PEX14: variants seen among roughly 807,000 people sequenced by gnomAD.
PEX14 encodes peroxisomal membrane protein PEX14.
In PEX14, 15 loss-of-function variants were observed where a neutral mutation model predicts 49.5. That is an observed-to-expected ratio of 0.30 (90% CI 0.20 to 0.47). The LOEUF is 0.47. Ranked by LOEUF, PEX14 falls within the 20% of genes least tolerant of loss-of-function variation. PEX14 has a pLI of 1.00. For synonymous variants in PEX14, 210 were observed against 212.7 expected, an observed-to-expected ratio of 0.99 and a Z score of 0.11; for missense variants, 398 against 494.8, an observed-to-expected ratio of 0.80 and a Z score of 1.86.
intron 3 of PEX14, among the ~76,000 whole-genome samples, chr1:10,577,591 T>A (rs1488436239): frequency 1.0e-3 from 32 of 30,894 alleles, no homozygotes; most frequent in African/African-American, 3.4e-3. Context: ...TTTTTTTTTT[T>A]TTTTTTTTTT....
chr1:10,583,287 A>G (rs1488268249), intron 3 of PEX14, among the ~76,000 whole-genome samples: 1 of 149,774 alleles, frequency 6.7e-6, no homozygotes, highest in Non-Finnish European at 1.5e-5. Context: ...TGGTGCAGTC[A>G]TGGCTCACTG....
At chr1:10,583,241 A>G (rs1640378286) in intron 3 of PEX14, among the ~76,000 whole-genome samples, 1 of 144,808 alleles carries the variant, frequency 6.9e-6, no homozygotes, top group Non-Finnish European at 1.5e-5. Flanking sequence ...TTTTTTTGAG[A>G]TAGAGTCTTG....
At chr1:10,520,973 G>A (rs1205083575) in intron 2 of PEX14, among the ~76,000 whole-genome samples, 3 of 87,904 alleles carry the variant, frequency 3.4e-5, no homozygotes, top group East Asian at 3.2e-4. Context: ...GCTCTTTGCC[G>A]TTGTCTTTTT....
intron 7 of PEX14, 147 bp downstream of exon 7, chr1:10,624,584 C>T: frequency 1.5e-6 from 1 of 684,686 alleles, no homozygotes; most frequent in Non-Finnish European, 2.7e-6. Flanking sequence ...CCGATGCTGC[C>T]CTTTCTCTCC....
intron 3 of PEX14, among the ~76,000 whole-genome samples, chr1:10,584,699 G>A (rs1640428598): frequency 1.3e-5 from 2 of 152,164 alleles, no homozygotes; most frequent in South Asian, 4.1e-4. Context: ...ATAACAGAAT[G>A]TCTTTTAAAA....
chr1:10,585,852 C>A (rs573808736), intron 3 of PEX14, among the ~76,000 whole-genome samples: 3 of 152,170 alleles, frequency 2.0e-5, no homozygotes, highest in African/African-American at 7.2e-5. Context: ...GTGGAGATCA[C>A]GCCACTGCAC....
chr1:10,556,844 G>T (rs1194610351), intron 3 of PEX14, among the ~76,000 whole-genome samples: 2 of 152,268 alleles, frequency 1.3e-5, no homozygotes, highest in Non-Finnish European at 2.9e-5. Context: ...TATGGTAATG[G>T]CACTGGTGAT....
At chr1:10,505,692 T>TTC (rs2124425188) in intron 2 of PEX14, among the ~76,000 whole-genome samples, 1 of 151,206 alleles carries the variant, frequency 6.6e-6, no homozygotes, top group East Asian at 1.9e-4. Context: ...GTATTTTTTT[T>TTC]TTTTTTGAGA....
At chr1:10,560,716 A>T (rs9660903) in intron 3 of PEX14, among the ~76,000 whole-genome samples, 3 of 129,106 alleles carry the variant, frequency 2.3e-5, no homozygotes, top group Admixed American at 7.5e-5. Flanking sequence ...ACATTTTGCC[A>T]CCTTTTTTTT....
chr1:10,475,984 C>T (rs1408702187), intron 1 of PEX14, among the ~76,000 whole-genome samples: 1 of 152,162 alleles, frequency 6.6e-6, no homozygotes, highest in Non-Finnish European at 1.5e-5. Flanking sequence ...CTGTATTGAA[C>T]CTGTGTGACT....
At chr1:10,554,959 A>C (rs1639443526) in intron 3 of PEX14, among the ~76,000 whole-genome samples, 2 of 152,104 alleles carry the variant, frequency 1.3e-5, no homozygotes, top group African/African-American at 4.8e-5. Context: ...AATAAAGCCT[A>C]TCTGAAAGCA....
chr1:10,477,851 A>G (rs543678936), intron 1 of PEX14, among the ~76,000 whole-genome samples: 10 of 152,270 alleles, frequency 6.6e-5, no homozygotes, highest in African/African-American at 9.6e-5. Flanking sequence ...ACTAGGACCT[A>G]TCTCACAGAG....
Position 10,623,034 on chromosome 1 carries a change from C to A in PEX14, c.400C>A (p.Leu134Ile), listed in dbSNP as rs140476337. Residue 134 changes from leucine to isoleucine, a missense_variant, in exon 6 of 9, where the codon CTC becomes ATC. Coordinates refer to ENST00000356607, the MANE Select transcript of PEX14 (RefSeq NM_004565.3). This position sits in a 1 kb window ranked among gnomAD's most constrained non-coding sequence, Gnocchi z 4.4. ...HQLYKKYLLP[L>I]ILGGREDRKQ... ...CTTCTTGCAGAAATACCTGCTCCCC[C>A]TCATCCTGGGCGGCCGAGAGGACAG... The A allele has an allele frequency of 1.2e-6, 2 of 1,613,478 alleles. No homozygotes were observed. Among genetic ancestry groups the A allele is most frequent in the Non-Finnish European group, 1.7e-6 (2 of 1,179,716 alleles).
intron 1 of PEX14, among the ~76,000 whole-genome samples, chr1:10,486,613 T>G (rs1641372608): frequency 6.6e-6 from 1 of 151,856 alleles, no homozygotes; most frequent in Admixed American, 6.6e-5. Context: ...GCCCTGGATT[T>G]CCAGCTTACA....
chr1:10,566,031 C>T (rs1639795030), intron 3 of PEX14, among the ~76,000 whole-genome samples: 1 of 152,238 alleles, frequency 6.6e-6, no homozygotes, highest in Non-Finnish European at 1.5e-5. Flanking sequence ...AGCTCTGCCT[C>T]AGCATCTTAT....
chr1:10,608,006 C>G (rs1641172096), intron 4 of PEX14, among the ~76,000 whole-genome samples: 1 of 152,184 alleles, frequency 6.6e-6, no homozygotes, highest in Non-Finnish European at 1.5e-5. Context: ...CTCACTCTGT[C>G]ACCCAGGCTG....
chr1:10,548,391 G>A (rs1159614970), intron 3 of PEX14, among the ~76,000 whole-genome samples: 1 of 152,072 alleles, frequency 6.6e-6, no homozygotes, highest in Admixed American at 6.6e-5. Flanking sequence ...TTAGAAGCAG[G>A]GATTTTTGAA....
rs183783010 is a variant in PEX14, at chr1:10,586,871, G to C, written c.170-12367G>C. 4.6e-5 allele frequency among the ~76,000 whole-genome samples: 7 copies of C among 151,944 alleles called. No homozygotes were observed. The East Asian group carries it at 1.4e-3, about 30-fold the overall frequency. ...TTAGCCAGGATGGTCTCAATCTTCT[G>C]ACCTCATGATCCACCGCCTCGGCCT... On this transcript the variant is annotated intron_variant, in intron 3 of 8. Transcript: ENST00000356607.
chr1:10,586,806 AT>A (rs1012706772), intron 3 of PEX14, among the ~76,000 whole-genome samples: 2 of 151,030 alleles, frequency 1.3e-5, no homozygotes, highest in Non-Finnish European at 3.0e-5. Context: ...TGCCCAGCTA[AT>A]TTTTTTTGTA....
Sources: gnomAD v4.1 joint callset for allele counts (sites outside exome capture counted in the v4.1 genomes callset) on GRCh38, gnomAD v4.1.1 for gene constraint, Gnocchi (gnomAD v3.1) non-coding constraint, MANE v1.5 for transcripts, NCBI Gene and HGNC (gene_info 2026-07-23, HGNC 2026-07-21) for gene names.